Variants in DENND4A observed in about 807,000 individuals in gnomAD.
The protein encoded by DENND4A is DENN domain containing 4A.
In DENND4A, 70 loss-of-function variants were observed where a neutral mutation model predicts 199.3. The ratio of observed to expected loss-of-function variants is 0.35; its 90% CI spans 0.29 to 0.43. DENND4A has a LOEUF of 0.43. Ranked by LOEUF, DENND4A falls within the 20% of genes least tolerant of loss-of-function variation. The pLI is 1.00. For synonymous variants in DENND4A, 686 were observed against 766.9 expected (o/e 0.89, Z 1.74); for missense variants, 1,723 against 2,255.8 (o/e 0.76, Z 4.78).
At chr15:65,729,279 G>C in intron 10 of DENND4A, 32 bp from the exon 11 acceptor site, 1 of 1,552,136 alleles carries the variant, frequency 6.4e-7, no homozygotes, top group Non-Finnish European at 8.7e-7. Flanking sequence ...AGAGAATTTA[G>C]CTTTTTAACA....
intron 3 of DENND4A, 92 bp from the exon 4 acceptor site, chr15:65,752,720 T>A: frequency 1.3e-6 from 1 of 789,076 alleles, no homozygotes; most frequent in Non-Finnish European, 1.9e-6. Context: ...TTAAATGTAG[T>A]AGCATGGTAA....
chr15:65,766,232 C>T (rs893666714), intron 1 of DENND4A, among the ~76,000 whole-genome samples: 14 of 135,454 alleles, frequency 1.0e-4, no homozygotes, highest in East Asian at 2.3e-4. Context: ...GCCTGGGCAA[C>T]GGAGTGAGAC....
intron 16 of DENND4A, 68 bp downstream of exon 16, chr15:65,702,805 C>G: frequency 2.1e-6 from 3 of 1,400,112 alleles, no homozygotes; most frequent in Non-Finnish European, 3.0e-6. Context: ...AAGCATATTA[C>G]GGGAGGATAA....
At chr15:65,740,154 C>T (rs898698115) in intron 5 of DENND4A, among the ~76,000 whole-genome samples, 1 of 151,938 alleles carries the variant, frequency 6.6e-6, no homozygotes, top group African/African-American at 2.4e-5. Flanking sequence ...GCACTCCAGC[C>T]TTTCAATGGT....
intron 1 of DENND4A, among the ~76,000 whole-genome samples, chr15:65,777,416 G>T (rs994774125): frequency 6.6e-6 from 1 of 151,154 alleles, no homozygotes; most frequent in South Asian, 2.1e-4. Context: ...GCAGTGCCAC[G>T]ATCTCAGCTC....
chr15:65,663,911 C>G (rs1001800848), intron 32 of DENND4A, among the ~76,000 whole-genome samples: 1 of 152,120 alleles, frequency 6.6e-6, no homozygotes, highest in Non-Finnish European at 1.5e-5. Context: ...CTTGGCCTCC[C>G]AAAGTGCTGG....
chr15:65,744,713 A>T (rs1454086092), intron 4 of DENND4A, among the ~76,000 whole-genome samples: 1 of 152,208 alleles, frequency 6.6e-6, no homozygotes, highest in African/African-American at 2.4e-5. Context: ...AGAGACTCAT[A>T]AAGTATAAGC....
At chr15:65,669,681 ATTTAAACCTGGAAATGGTCAACTAAT>A in intron 27 of DENND4A, 72 bp downstream of exon 27, 2 of 1,046,872 alleles carry the variant, frequency 1.9e-6, no homozygotes, top group Non-Finnish European at 2.7e-6. Context: ...ATTCATAGAC[ATTTAAACCTGGAAATGGTCAACTAAT>A]TTTTCTGTCA....
At chr15:65,730,244 A>G (rs1351172707) in intron 9 of DENND4A, among the ~76,000 whole-genome samples, 2 of 152,204 alleles carry the variant, frequency 1.3e-5, no homozygotes, top group African/African-American at 4.8e-5. Context: ...TTAATAATGA[A>G]AACAATAAAC....
intron 1 of DENND4A, chr15:65,771,631 T>C (rs1291972464): frequency 1.1e-5 from 17 of 1,612,382 alleles, no homozygotes; most frequent in Non-Finnish European, 8.5e-7. Context: ...GCTGATGTTG[T>C]TGGCTATAAC....
At chr15:65,718,304 A>G (rs2075476687) in intron 12 of DENND4A, among the ~76,000 whole-genome samples, 1 of 152,194 alleles carries the variant, frequency 6.6e-6, no homozygotes, top group Non-Finnish European at 1.5e-5. Flanking sequence ...ACTTGAGGCT[A>G]GGAGTTCAAG....
chr15:65,741,793 A>T lies in DENND4A; in HGVS notation c.562-9T>A. 3 of 1,599,926 alleles carry T rather than the reference A, an allele frequency of 1.9e-6. No homozygotes were observed. Among genetic ancestry groups the T allele is most frequent in the Non-Finnish European group, 2.6e-6 (3 of 1,170,290 alleles). ...TATACTGCTGATCCCCACTGGATTT[A>T]AAAAAATAGAAATATCATTTAATTT... On this transcript the variant is annotated splice_polypyrimidine_tract_variant and intron_variant, in intron 4 of 32. Coordinates refer to ENST00000443035, the MANE Select transcript of DENND4A (RefSeq NM_001320835.1).
chr15:65,725,161 A>C (rs1489095572), intron 11 of DENND4A, among the ~76,000 whole-genome samples: 1 of 152,184 alleles, frequency 6.6e-6, no homozygotes, highest in Non-Finnish European at 1.5e-5. Context: ...TCATCTTATG[A>C]GTAAATGTAT....
intron 6 of DENND4A, 59 bp downstream of exon 6, chr15:65,738,647 A>T: frequency 6.8e-7 from 1 of 1,463,506 alleles, no homozygotes; most frequent in Non-Finnish European, 9.3e-7. Context: ...TCCTTGCATT[A>T]TAGAAAACTT....
chr15:65,685,298 T>C (rs922867903), intron 23 of DENND4A, among the ~76,000 whole-genome samples: 2 of 152,176 alleles, frequency 1.3e-5, no homozygotes, highest in Admixed American at 6.5e-5. Flanking sequence ...GGCTAATTTT[T>C]TGTATTTTTA....
At chr15:65,702,250 CAG>C in intron 17 of DENND4A, 53 bp downstream of exon 17, 1 of 1,398,330 alleles carries the variant, frequency 7.2e-7, no homozygotes, top group Admixed American at 2.0e-5. Context: ...GCCTGGGTGA[CAG>C]AGTGAGACCC....
Position 65,741,701 on chromosome 15 carries a change from A to C in DENND4A, c.631+14T>G, listed in dbSNP as rs369904705. ...CATTTATATATGAAGTATTGCATGA[A>C]AAATTACACTTACCAGCTTTGTAAG... On this transcript the variant is annotated intron_variant, in intron 5 of 32. Coordinates refer to ENST00000443035, the MANE Select transcript of DENND4A (RefSeq NM_001320835.1). The C allele has an allele frequency of 6.2e-7, 1 of 1,610,108 alleles. No individual in the cohort carries two copies. The highest frequency in any genetic ancestry group is 8.5e-7 in the Non-Finnish European group (1 of 1,177,448).
intron 32 of DENND4A, among the ~76,000 whole-genome samples, chr15:65,663,705 A>T (rs549117973): frequency 6.6e-6 from 1 of 152,220 alleles, no homozygotes; most frequent in East Asian, 1.9e-4. Flanking sequence ...GCTGGCATGC[A>T]GCTGCACCGT....
chr15:65,707,389 C>T (rs1044645647), intron 14 of DENND4A, among the ~76,000 whole-genome samples: 1 of 152,018 alleles, frequency 6.6e-6, no homozygotes, highest in Non-Finnish European at 1.5e-5. Context: ...GTAGTTAAAC[C>T]TTTAAGATAA....
Sources: gnomAD v4.1 joint callset for allele counts (sites outside exome capture counted in the v4.1 genomes callset) on GRCh38, gnomAD v4.1.1 for gene constraint, MANE v1.5 for transcripts, NCBI Gene and HGNC (gene_info 2026-07-23, HGNC 2026-07-21) for gene names.